The following THSD4 variants were observed in gnomAD, a reference collection of about 807,000 sequenced individuals.
THSD4 encodes the protein thrombospondin type-1 domain-containing protein 4.
Under a neutral mutation model 119.0 loss-of-function variants are expected in THSD4, and 69 were observed. The ratio of observed to expected loss-of-function variants is 0.58; its 90% CI spans 0.48 to 0.71. The LOEUF (loss-of-function observed/expected upper bound fraction) is 0.71, where lower values mean the gene tolerates loss of function less well. Among genes scored for constraint, THSD4 ranks in the 30% least tolerant of loss-of-function variants. THSD4 has a pLI of 0.00. For missense variants in THSD4, 1,393 were observed against 1,391.1 expected, an observed-to-expected ratio of 1.00 and a Z score of -0.02; for synonymous variants, 524 against 540.4, an observed-to-expected ratio of 0.97 and a Z score of 0.42.
At chr15:71,196,502 G>A (rs2043720739) in intron 3 of THSD4, among the ~76,000 whole-genome samples, 1 of 152,168 alleles carries the variant, frequency 6.6e-6, no homozygotes, top group Non-Finnish European at 1.5e-5. Flanking sequence ...TTGGAGGAGT[G>A]AAGGAGACAG....
chr15:71,125,709 G>A (rs2040449032), intron 1 of THSD4, among the ~76,000 whole-genome samples: 1 of 152,246 alleles, frequency 6.6e-6, no homozygotes, highest in Admixed American at 6.5e-5. Flanking sequence ...CGCCAGGCCT[G>A]CTGGCTGCTC....
chr15:71,703,446 C>T (rs1204463126), intron 8 of THSD4, among the ~76,000 whole-genome samples: 3 of 152,180 alleles, frequency 2.0e-5, no homozygotes, highest in African/African-American at 7.2e-5. Context: ...GTCATTTGCT[C>T]AGCTGTCCAT....
At chr15:71,256,142 A>G (rs1397250489) in intron 5 of THSD4, among the ~76,000 whole-genome samples, 1 of 152,218 alleles carries the variant, frequency 6.6e-6, no homozygotes, top group Non-Finnish European at 1.5e-5. Flanking sequence ...GCAAATGTTC[A>G]GAAACCCAGT....
intron 7 of THSD4, among the ~76,000 whole-genome samples, chr15:71,416,167 C>G (rs1420321210): frequency 3.3e-5 from 5 of 152,184 alleles, no homozygotes; most frequent in Non-Finnish European, 7.3e-5. Flanking sequence ...TATGCTGTTG[C>G]AAATGACAGG....
rs2053938121 is a variant in THSD4, at chr15:71,777,590, A to G, written c.*216A>G. 4 of 601,858 alleles carry G rather than the reference A, an allele frequency of 6.6e-6. No individual in the cohort carries two copies. Among genetic ancestry groups the G allele is most frequent in the Admixed American group, 6.0e-5 (2 of 33,210 alleles). 37.3% of individuals were successfully genotyped at this position (601,858 alleles called of 1,614,324 possible). On this transcript the variant is annotated 3_prime_UTR_variant, in exon 18 of 18. Transcript: ENST00000261862. ...CACAGTCAGTCCTTTAAGCATCACC[A>G]TGTACTGATGATCCCCTCCTTGGAC...
chr15:71,322,419 T>G (rs984682921), intron 6 of THSD4, among the ~76,000 whole-genome samples: 1 of 152,248 alleles, frequency 6.6e-6, no homozygotes, highest in Non-Finnish European at 1.5e-5. Flanking sequence ...TCTTCGTGAC[T>G]TCCTTCTGTT....
At chr15:71,738,481 A>G (rs902419729) in intron 11 of THSD4, among the ~76,000 whole-genome samples, 5 of 152,154 alleles carry the variant, frequency 3.3e-5, no homozygotes, top group Admixed American at 6.5e-5. Context: ...CTCAGGTTTA[A>G]TGATTGGCTC....
chr15:71,715,072 G>A (rs766730675), intron 8 of THSD4, among the ~76,000 whole-genome samples: 9 of 152,014 alleles, frequency 5.9e-5, no homozygotes, highest in Non-Finnish European at 8.8e-5. Context: ...ATCACAACTC[G>A]ACACTCAAAA....
chr15:71,607,269 T>C (rs1163800221), intron 7 of THSD4, among the ~76,000 whole-genome samples: 1 of 152,072 alleles, frequency 6.6e-6, no homozygotes, highest in African/African-American at 2.4e-5. Flanking sequence ...TGAGAATAAG[T>C]GGTAATGAGG....
At chr15:71,199,768 TGTGTGTGGTGTGTGG>T (rs2043771828) in intron 3 of THSD4, among the ~76,000 whole-genome samples, 1 of 145,922 alleles carries the variant, frequency 6.9e-6, no homozygotes, top group South Asian at 2.2e-4. Flanking sequence ...ATGTGTGTGG[TGTGTGTGGTGTGTGG>T]GTGTGTGCTG....
intron 7 of THSD4, among the ~76,000 whole-genome samples, chr15:71,467,848 T>TG (rs1330970007): frequency 1.3e-5 from 2 of 150,534 alleles, no homozygotes; most frequent in Non-Finnish European, 3.0e-5. Context: ...TATGATGGTT[T>TG]TTTTTTTTTT....
intron 6 of THSD4, among the ~76,000 whole-genome samples, chr15:71,297,315 C>CTTTTTTTTT (rs772196153): frequency 0.016 from 2,201 of 137,530 alleles, 77 homozygotes; most frequent in African/African-American, 0.05. Flanking sequence ...CTCTCCTCTT[C>CTTTTTTTTT]TTTTTTTTGT....
intron 7 of THSD4, among the ~76,000 whole-genome samples, chr15:71,585,183 T>C (rs1300953413): frequency 6.6e-6 from 1 of 152,246 alleles, no homozygotes; most frequent in African/African-American, 2.4e-5. Flanking sequence ...TAGTGAGTTT[T>C]ATACTTTAAA....
chr15:71,313,150 G>A (rs1374879052), intron 6 of THSD4, among the ~76,000 whole-genome samples: 1 of 152,152 alleles, frequency 6.6e-6, no homozygotes, highest in East Asian at 1.9e-4. Context: ...ATGGACCCAT[G>A]GATATTTATT....
At chr15:71,437,947 C>T (rs541181111) in intron 7 of THSD4, among the ~76,000 whole-genome samples, 18 of 152,326 alleles carry the variant, frequency 1.2e-4, no homozygotes, top group African/African-American at 4.3e-4. Flanking sequence ...TTTGAGTGAG[C>T]TCAAGCATCT....
At chr15:71,738,804 T>G (rs1180296011) in intron 11 of THSD4, among the ~76,000 whole-genome samples, 1 of 152,096 alleles carries the variant, frequency 6.6e-6, no homozygotes, top group Non-Finnish European at 1.5e-5. Flanking sequence ...CTACTCTCCC[T>G]TTACCATCCC....
chr15:71,618,350 T>G (rs946351372), intron 7 of THSD4, among the ~76,000 whole-genome samples: 6 of 152,154 alleles, frequency 3.9e-5, no homozygotes, highest in Non-Finnish European at 8.8e-5. Context: ...TGCGCACACT[T>G]TAACAGCAGT....
chr15:71,370,514 T>C (rs573496399), intron 6 of THSD4, among the ~76,000 whole-genome samples: 2 of 152,342 alleles, frequency 1.3e-5, no homozygotes, highest in African/African-American at 4.8e-5. Context: ...AGAATATCTT[T>C]ATTTCTGTCT....
intron 16 of THSD4, among the ~76,000 whole-genome samples, chr15:71,765,798 G>C (rs868481391): frequency 7.0e-4 from 106 of 150,424 alleles, no homozygotes; most frequent in African/African-American, 2.5e-3. Flanking sequence ...CTCTGTGTGT[G>C]TGTGTGTGTG....
Sources: gnomAD v4.1 joint callset for allele counts (sites outside exome capture counted in the v4.1 genomes callset) on GRCh38, gnomAD v4.1.1 for gene constraint, MANE v1.5 for transcripts, NCBI Gene and HGNC (gene_info 2026-07-23, HGNC 2026-07-21) for gene names.